IL15: variants seen among roughly 807,000 people sequenced by gnomAD.
The protein encoded by IL15 is interleukin-15.
Under a neutral mutation model 19.6 loss-of-function variants are expected in IL15, and 11 were observed. The observed-to-expected ratio is 0.56, with a 90% CI of 0.35 to 0.93. The LOEUF is 0.93. Among genes scored for constraint, IL15 ranks in the 40% least tolerant of loss-of-function variants. IL15 has a pLI of 0.01. For missense variants in IL15, 197 were observed against 186.5 expected (o/e 1.06, Z -0.33); for synonymous variants, 58 against 59.6 (o/e 0.97, Z 0.12).
intron 5 of IL15, among the ~76,000 whole-genome samples, chr4:141,722,930 TA>T (rs1730137517): frequency 6.6e-6 from 1 of 152,056 alleles, no homozygotes; most frequent in Non-Finnish European, 1.5e-5. Flanking sequence ...AGAGGAATGA[TA>T]GTTAATTTGA....
chr4:141,638,232 A>G (rs1726926508), intron 1 of IL15, among the ~76,000 whole-genome samples: 1 of 152,250 alleles, frequency 6.6e-6, no homozygotes, highest in African/African-American at 2.4e-5. Flanking sequence ...AGCCATTTAG[A>G]TTTAAAAAGT....
chr4:141,680,292 T>C (rs755125297), intron 2 of IL15, among the ~76,000 whole-genome samples: 1 of 152,148 alleles, frequency 6.6e-6, no homozygotes, highest in Non-Finnish European at 1.5e-5. Context: ...TGTGGCTATG[T>C]TTGTGAGAGG....
intron 2 of IL15, among the ~76,000 whole-genome samples, chr4:141,686,766 G>A (rs1219942601): frequency 2.6e-5 from 4 of 152,184 alleles, no homozygotes; most frequent in Non-Finnish European, 4.4e-5. Flanking sequence ...TATGTCTGTA[G>A]AGTGGGAAAT....
intron 1 of IL15, among the ~76,000 whole-genome samples, chr4:141,641,493 A>G (rs958602127): frequency 1.3e-5 from 2 of 152,140 alleles, no homozygotes; most frequent in East Asian, 3.9e-4. Flanking sequence ...CATATACACC[A>G]TAGAATACTA....
intron 2 of IL15, among the ~76,000 whole-genome samples, chr4:141,670,276 A>G (rs1728128119): frequency 6.6e-6 from 1 of 152,152 alleles, no homozygotes; most frequent in Admixed American, 6.5e-5. Context: ...GATACATGAT[A>G]GAATAAGACA....
chr4:141,671,601 G>T (rs1028566482), intron 2 of IL15, among the ~76,000 whole-genome samples: 1 of 152,124 alleles, frequency 6.6e-6, no homozygotes, highest in Non-Finnish European at 1.5e-5. Flanking sequence ...GATGGCTGTT[G>T]TGTGAGCCGC....
At chr4:141,703,579 A>G (rs1262624195) in intron 2 of IL15, among the ~76,000 whole-genome samples, 1 of 152,066 alleles carries the variant, frequency 6.6e-6, no homozygotes, top group African/African-American at 2.4e-5. Context: ...ATGTGCTCAA[A>G]GGTAGAATCT....
At chr4:141,655,296 T>C (rs929094186) in intron 1 of IL15, among the ~76,000 whole-genome samples, 1 of 151,814 alleles carries the variant, frequency 6.6e-6, no homozygotes, top group African/African-American at 2.4e-5. Context: ...AAGAAAATGT[T>C]CTTTAAGATA....
chr4:141,729,742 A>T (rs895658691), intron 6 of IL15, 105 bp from the exon 7 acceptor site: 15 of 664,720 alleles, frequency 2.3e-5, no homozygotes, highest in Middle Eastern at 4.2e-4. Context: ...GATATTGTGT[A>T]TCTTTATAAA....
intron 1 of IL15, among the ~76,000 whole-genome samples, chr4:141,647,979 A>G (rs1727286393): frequency 6.6e-6 from 1 of 152,084 alleles, no homozygotes; most frequent in East Asian, 1.9e-4. Flanking sequence ...GAAGTTTGAG[A>G]AACACTGCAT....
intron 2 of IL15, among the ~76,000 whole-genome samples, chr4:141,673,425 A>G (rs1161349225): frequency 8.5e-5 from 13 of 152,162 alleles, no homozygotes; most frequent in South Asian, 2.1e-4. Context: ...GCAAATTACT[A>G]TGGGAATTAA....
intron 7 of IL15, among the ~76,000 whole-genome samples, chr4:141,732,291 G>A (rs527714191): frequency 3.0e-4 from 46 of 152,106 alleles, no homozygotes; most frequent in Admixed American, 2.6e-4. Flanking sequence ...AGGCAGAGAG[G>A]CATCTAATAG....
chr4:141,684,484 A>T (rs1357627209), intron 2 of IL15, among the ~76,000 whole-genome samples: 1 of 152,200 alleles, frequency 6.6e-6, no homozygotes, highest in African/African-American at 2.4e-5. Flanking sequence ...TGCCGAGCAA[A>T]TCATATCAGA....
chr4:141,725,792 C>CT (rs1336495269), intron 5 of IL15, among the ~76,000 whole-genome samples: 1 of 152,106 alleles, frequency 6.6e-6, no homozygotes. Flanking sequence ...ACATAATTGT[C>CT]TGAGTTTTCT....
At chr4:141,693,857 G>GT (rs1406287131) in intron 2 of IL15, among the ~76,000 whole-genome samples, 1 of 152,188 alleles carries the variant, frequency 6.6e-6, no homozygotes, top group Admixed American at 6.5e-5. Flanking sequence ...ATTTTTAAGA[G>GT]TTTTTTGATT....
intron 1 of IL15, among the ~76,000 whole-genome samples, chr4:141,651,619 C>T (rs1727409275): frequency 6.6e-6 from 1 of 152,068 alleles, no homozygotes; most frequent in African/African-American, 2.4e-5. Flanking sequence ...ACATGGACCA[C>T]ATTTAATGTT....
intron 1 of IL15, among the ~76,000 whole-genome samples, chr4:141,640,155 G>A (rs542088338): frequency 6.6e-6 from 1 of 152,244 alleles, no homozygotes; most frequent in African/African-American, 2.4e-5. Flanking sequence ...ACAAATTATT[G>A]TTATTAACAG....
rs760816219 is a variant in IL15 at position 141,720,455 on chromosome 4, A to T, written c.13-14A>T. 7 of 1,340,618 alleles carry T rather than the reference A, an allele frequency of 5.2e-6. No individual in the cohort carries two copies. The highest frequency in any genetic ancestry group is 7.5e-6 in the Non-Finnish European group (7 of 935,568). The allele number at this position is 1,340,618 out of a possible 1,614,324, so 83.0% of individuals were successfully genotyped here. A position where few individuals can be genotyped will look rare whatever the true frequency, so the allele number is the denominator to read the frequency against. ...TAAAAAATTTAACCATTTGTCTATGATTATATTTTTCAGAAACCACATTTG... is the reference window on the plus strand; with the variant it reads ...TAAAAAATTTAACCATTTGTCTATGTTTATATTTTTCAGAAACCACATTTG... On this transcript the variant is annotated splice_polypyrimidine_tract_variant and intron_variant, in intron 3 of 7. Coordinates refer to ENST00000320650, the MANE Select transcript of IL15 (RefSeq NM_000585.5).
chr4:141,682,727 C>T (rs1014251030), intron 2 of IL15, among the ~76,000 whole-genome samples: 2 of 151,960 alleles, frequency 1.3e-5, no homozygotes, highest in African/African-American at 2.4e-5. Flanking sequence ...GAGGCCGAGG[C>T]GGGTGGTTCA....
Sources: allele counts gnomAD v4.1 joint callset (sites outside exome capture counted in the v4.1 genomes callset), GRCh38; gene constraint gnomAD v4.1.1; transcripts MANE v1.5; gene names NCBI Gene and HGNC (gene_info 2026-07-23, HGNC 2026-07-21).